The following ST3GAL6 variants were observed in gnomAD, a reference collection of about 807,000 sequenced individuals.
The protein encoded by ST3GAL6 is type 2 lactosamine alpha-2,3-sialyltransferase.
ST3GAL6 carries 31 observed loss-of-function variants against 40.5 expected under a neutral mutation model. That is an observed-to-expected ratio of 0.77 (90% CI 0.58 to 1.03). ST3GAL6 has a LOEUF of 1.03. Ranked by LOEUF, ST3GAL6 falls within the 50% of genes least tolerant of loss-of-function variation. The probability of loss-of-function intolerance (pLI) is 0.00; values close to 1 mark genes in which losing one functional copy is unlikely to be tolerated. For missense variants in ST3GAL6, 357 were observed against 393.2 expected (o/e 0.91, Z 0.78); for synonymous variants, 129 against 136.9 (o/e 0.94, Z 0.40).
chr3:98,738,275 T>A (rs1935740959), intron 1 of ST3GAL6, among the ~76,000 whole-genome samples: 2 of 151,980 alleles, frequency 1.3e-5, no homozygotes, highest in African/African-American at 4.8e-5. Flanking sequence ...CAGGTATTTC[T>A]TTCTTTCTTT....
At chr3:98,783,581 TA>T (rs542963493) in intron 5 of ST3GAL6, 9 of 983,166 alleles carry the variant, frequency 9.2e-6, no homozygotes, top group Non-Finnish European at 8.5e-6. Context: ...AAAAAAGAAA[TA>T]AAAAAAATGC....
chr3:98,734,136 G>A (rs1323327292), intron 1 of ST3GAL6, among the ~76,000 whole-genome samples: 2 of 152,104 alleles, frequency 1.3e-5, no homozygotes, highest in Non-Finnish European at 2.9e-5. Context: ...TTGACTTTCC[G>A]GTCCTCAATC....
At position 98,794,084 on chromosome 3, in the gene ST3GAL6, G is replaced by A. The variant is rs36011922; in HGVS notation, c.*323G>A. 1.1e-3 allele frequency: 181 copies of A among 169,382 alleles called. 1 individual carries two copies. Among genetic ancestry groups the A allele is most frequent in the Admixed American group, 5.1e-3 (80 of 15,726 alleles). The allele number at this position is 169,382 out of a possible 1,614,324, so 10.5% of individuals were successfully genotyped here. A position where few individuals can be genotyped will look rare whatever the true frequency, so the allele number is the denominator to read the frequency against. Reference sequence around the variant, plus strand: ...GATATGACTTCCTACTAAGGATTTAGTTTACCACAACAATTCTGACTACAA... The same window carrying A: ...GATATGACTTCCTACTAAGGATTTAATTTACCACAACAATTCTGACTACAA... On this transcript the variant is annotated 3_prime_UTR_variant, in exon 10 of 10. Transcript: ENST00000483910.
At chr3:98,762,865 T>G (rs1003829813), upstream of ST3GAL6, 6 of 985,312 alleles carry the variant, frequency 6.1e-6, no homozygotes, top group Admixed American at 6.1e-5. Context: ...TTCATCCTTA[T>G]GTGAAAAAGG....
chr3:98,777,282 A>G (rs966992158), intron 5 of ST3GAL6, among the ~76,000 whole-genome samples: 6 of 152,194 alleles, frequency 3.9e-5, no homozygotes, highest in African/African-American at 1.4e-4. Context: ...TGAGAGCTGT[A>G]TCTCTTTGTA....
At chr3:98,752,369 A>C (rs1174404779) in intron 1 of ST3GAL6, among the ~76,000 whole-genome samples, 1 of 151,964 alleles carries the variant, frequency 6.6e-6, no homozygotes, top group Admixed American at 6.6e-5. Context: ...TGGTAATCTT[A>C]ATATTTCAGA....
chr3:98,754,790 G>T (rs760770793), intron 1 of ST3GAL6, among the ~76,000 whole-genome samples: 8 of 152,184 alleles, frequency 5.3e-5, no homozygotes, highest in Non-Finnish European at 7.3e-5. Context: ...CTAGCAAAAA[G>T]ATTATAACTC....
intron 2 of ST3GAL6, among the ~76,000 whole-genome samples, chr3:98,769,397 G>A (rs925614399): frequency 6.6e-6 from 1 of 152,150 alleles, no homozygotes. Flanking sequence ...CCCAAATATC[G>A]GGCTAGAGAA....
At chr3:98,760,854 G>A (rs999928736), upstream of ST3GAL6, among the ~76,000 whole-genome samples, 30 of 152,124 alleles carry the variant, frequency 2.0e-4, no homozygotes, top group African/African-American at 7.0e-4. Context: ...ATTAATTGTG[G>A]TATGACCATA....
At chr3:98,780,307 A>G (rs1026698341) in intron 5 of ST3GAL6, among the ~76,000 whole-genome samples, 2 of 152,218 alleles carry the variant, frequency 1.3e-5, no homozygotes, top group African/African-American at 4.8e-5. Flanking sequence ...GATGCCCTCA[A>G]AAGAGTTTCT....
chr3:98,732,712 G>T (rs1576006374), intron 1 of ST3GAL6: 6 of 755,800 alleles, frequency 7.9e-6, no homozygotes, highest in Middle Eastern at 4.1e-4. Flanking sequence ...CAGTCGCCCG[G>T]GATTGGGGCT....
At chr3:98,743,048 G>A (rs1343039085) in intron 1 of ST3GAL6, among the ~76,000 whole-genome samples, 1 of 127,944 alleles carries the variant, frequency 7.8e-6, no homozygotes, top group Non-Finnish European at 1.6e-5. Flanking sequence ...TTGCTCTGTC[G>A]CCCAGGCTGG....
At chr3:98,755,128 A>G (rs932123126) in intron 1 of ST3GAL6, among the ~76,000 whole-genome samples, 3 of 151,942 alleles carry the variant, frequency 2.0e-5, no homozygotes, top group African/African-American at 4.8e-5. Flanking sequence ...GTTCACTGCA[A>G]CCTCCACCTC....
chr3:98,763,561 C>G, intron 1 of ST3GAL6, 122 bp downstream of exon 1: 1 of 887,938 alleles, frequency 1.1e-6, no homozygotes, highest in Non-Finnish European at 1.6e-6. Context: ...ATGTGCTTCT[C>G]TTATTTGCAC....
At chr3:98,774,689 C>G (rs1332435273) in intron 5 of ST3GAL6, among the ~76,000 whole-genome samples, 1 of 152,082 alleles carries the variant, frequency 6.6e-6, no homozygotes, top group Non-Finnish European at 1.5e-5. Flanking sequence ...AGGAAAATGG[C>G]AGAACTTACC....
intron 5 of ST3GAL6, among the ~76,000 whole-genome samples, chr3:98,775,664 G>A (rs1939481799): frequency 6.6e-6 from 1 of 152,022 alleles, no homozygotes; most frequent in Admixed American, 6.6e-5. Flanking sequence ...ATAACCCCTT[G>A]TCCCACAGGT....
intron 1 of ST3GAL6, among the ~76,000 whole-genome samples, chr3:98,767,352 G>A (rs1475399327): frequency 1.3e-5 from 2 of 152,196 alleles, no homozygotes; most frequent in Non-Finnish European, 2.9e-5. Context: ...AAAGGGAGTG[G>A]TTTATTTTAA....
At chr3:98,762,068 A>T (rs1937833638), upstream of ST3GAL6, among the ~76,000 whole-genome samples, 1 of 125,138 alleles carries the variant, frequency 8.0e-6, no homozygotes, top group Admixed American at 9.1e-5. Flanking sequence ...AGATCTGTCT[A>T]CATGTGCTAA....
chr3:98,788,074 T>G lies in ST3GAL6; in HGVS notation c.470T>G (p.Val157Gly). ...NGPVLGHEEE[V>G]GRRTTFRLFY... Reference sequence around the variant, plus strand: ...CCTGTTTTAGGACATGAAGAAGAAGTTGGGAGAAGGACAACCTTCCGACTT... The same window carrying G: ...CCTGTTTTAGGACATGAAGAAGAAGGTGGGAGAAGGACAACCTTCCGACTT... Residue 157 changes from valine (V) to glycine (G), a missense_variant, in exon 7 of 10, where the codon GTT becomes GGT. Transcript: ENST00000483910. 6.2e-7 allele frequency: 1 copy of G among 1,613,908 alleles called. No individual in the cohort carries two copies. Among genetic ancestry groups the G allele is most frequent in the Non-Finnish European group, 8.5e-7 (1 of 1,179,916 alleles).
Sources: allele counts gnomAD v4.1 joint callset (sites outside exome capture counted in the v4.1 genomes callset), GRCh38; gene constraint gnomAD v4.1.1; transcripts MANE v1.5; gene names NCBI Gene and HGNC (gene_info 2026-07-23, HGNC 2026-07-21).